KCND3: variants seen among roughly 807,000 people sequenced by gnomAD.
KCND3 encodes the protein potassium voltage-gated channel subfamily D member 3.
A neutral mutation model predicts 51.1 loss-of-function variants in KCND3; 9 were observed. That is an observed-to-expected ratio of 0.18 (90% CI 0.11 to 0.31). The LOEUF (loss-of-function observed/expected upper bound fraction) is 0.31, where lower values mean the gene tolerates loss of function less well. KCND3 is among the 10% of genes least tolerant of loss of function. KCND3 has a pLI of 1.00. For synonymous variants in KCND3, 349 were observed against 368.0 expected (o/e 0.95, Z 0.59); for missense variants, 526 against 903.8 (o/e 0.58, Z 5.36).
At chr1:111,809,650 C>T (rs1665754663) in intron 2 of KCND3, among the ~76,000 whole-genome samples, 1 of 149,846 alleles carries the variant, frequency 6.7e-6, no homozygotes, top group Non-Finnish European at 1.5e-5. Context: ...TCACATTTCC[C>T]GTGTGTGTGT....
At position 111,839,086 on chromosome 1, in the gene KCND3, TAG is replaced by T. The variant is rs541796954; in HGVS notation, c.1107-51982_1107-51981del. ...CAATCTATTTACTGCTCTATCTTTT[TAG>T]AGTTTCATCGGTTTGACATCAGGCT... On this transcript the variant is annotated intron_variant, in intron 2 of 7. Coordinates refer to ENST00000302127, the MANE Select transcript of KCND3 (RefSeq NM_001378969.1). Among the ~76,000 whole-genome samples, 5 of 152,362 alleles carry T rather than the reference TAG, an allele frequency of 3.3e-5. No individual in the cohort carries two copies. In the East Asian group the frequency reaches 5.8e-4, roughly 18 times the overall value.
At chr1:111,949,264 GGAGATAATACGGT>G (rs1476348337) in intron 2 of KCND3, among the ~76,000 whole-genome samples, 1 of 152,248 alleles carries the variant, frequency 6.6e-6, no homozygotes, top group Admixed American at 6.5e-5. Context: ...TTTGTAAAGT[GGAGATAATACGGT>G]ACGTCCTGCT....
At chr1:111,850,939 T>G (rs1056734883) in intron 2 of KCND3, among the ~76,000 whole-genome samples, 3 of 152,214 alleles carry the variant, frequency 2.0e-5, no homozygotes, top group Non-Finnish European at 4.4e-5. Flanking sequence ...GCACTTAGGT[T>G]TCTCCTCAAT....
intron 2 of KCND3, among the ~76,000 whole-genome samples, chr1:111,852,964 C>T (rs963585590): frequency 1.3e-5 from 2 of 152,186 alleles, no homozygotes; most frequent in East Asian, 1.9e-4. Context: ...TGGTCCTCCA[C>T]GGTGATGTGA....
intron 2 of KCND3, among the ~76,000 whole-genome samples, chr1:111,923,451 T>A (rs1219109125): frequency 6.6e-6 from 1 of 152,186 alleles, no homozygotes; most frequent in Non-Finnish European, 1.5e-5. Context: ...CTTCCTCTGG[T>A]TCTCCAACAA....
At chr1:111,869,301 C>T (rs1017010704) in intron 2 of KCND3, among the ~76,000 whole-genome samples, 5 of 152,188 alleles carry the variant, frequency 3.3e-5, no homozygotes, top group Admixed American at 6.5e-5. Context: ...CTAGAGGCTC[C>T]TCCTGCCACC....
At chr1:111,858,373 C>A (rs1269089375) in intron 2 of KCND3, among the ~76,000 whole-genome samples, 2 of 152,184 alleles carry the variant, frequency 1.3e-5, no homozygotes, top group Non-Finnish European at 2.9e-5. Flanking sequence ...CAAAGTCCCT[C>A]CAAAGGCCTA....
chr1:111,783,199 C>CA (rs67241053), intron 3 of KCND3, among the ~76,000 whole-genome samples: 10,273 of 72,334 alleles, frequency 0.14, 541 homozygotes, highest in Non-Finnish European at 0.17. Context: ...AATTCAAAGA[C>CA]AAAAAAAAAA....
chr1:111,974,240 T>C (rs953416084), intron 2 of KCND3, among the ~76,000 whole-genome samples: 3 of 152,164 alleles, frequency 2.0e-5, no homozygotes, highest in African/African-American at 7.2e-5. Flanking sequence ...CTGAGCCTTC[T>C]GGCAAAAAAC....
In KCND3 at chr1:111,878,111, G is replaced by T. The variant is rs142116982; in HGVS notation, c.1107-91005C>A. Among the ~76,000 whole-genome samples the T allele has an allele frequency of 1.9e-3, 292 of 152,322 alleles. 3 individuals carry two copies. The highest frequency in any genetic ancestry group is 6.8e-3 in the African/African-American group (283 of 41,572). On this transcript the variant is annotated intron_variant, in intron 2 of 7. Transcript: ENST00000302127. ...GGGATGATGTGTGCCTGGGACAAAA[G>T]CCCCCATCAGAGCCCTAGTGCTGTC...
chr1:111,899,561 C>T (rs1030369836), intron 2 of KCND3, among the ~76,000 whole-genome samples: 3 of 152,230 alleles, frequency 2.0e-5, no homozygotes, highest in African/African-American at 7.2e-5. Context: ...TTCGCACTCC[C>T]TCCACCAGTT....
Position 111,775,817 on chromosome 1 carries a change from C to CCT in KCND3, c.*259_*260insAG. The stretch of plus-strand genomic sequence containing the variant: ...TAGCCTATATCCCCCGGCCTATCCC[C>CCT]GACCCCCCCACCCTCCCTCCCTTCC... On this transcript the variant is annotated 3_prime_UTR_variant, in exon 8 of 8. Coordinates refer to ENST00000302127, the MANE Select transcript of KCND3 (RefSeq NM_001378969.1). 5.3e-6 allele frequency: 1 copy of CCT among 188,528 alleles called. No individual in the cohort carries two copies. The highest frequency in any genetic ancestry group is 1.1e-5 in the Non-Finnish European group (1 of 92,134). 11.7% of individuals were successfully genotyped at this position (188,528 alleles called of 1,614,324 possible).
chr1:111,776,811 C>G (rs1025818707), intron 7 of KCND3, among the ~76,000 whole-genome samples: 5 of 150,992 alleles, frequency 3.3e-5, no homozygotes. Context: ...TTCCCTGTTA[C>G]CTATTTTCAG....
At chr1:111,881,147 T>C (rs1490983733) in intron 2 of KCND3, among the ~76,000 whole-genome samples, 1 of 152,226 alleles carries the variant, frequency 6.6e-6, no homozygotes, top group African/African-American at 2.4e-5. Context: ...ATTACATATT[T>C]GGCTTGACTC....
intron 2 of KCND3, among the ~76,000 whole-genome samples, chr1:111,794,722 C>T (rs989895022): frequency 6.6e-6 from 1 of 152,202 alleles, no homozygotes; most frequent in Non-Finnish European, 1.5e-5. Flanking sequence ...AACAGTAGAC[C>T]ATCATGGAAG....
chr1:111,854,727 A>G (rs765937640), intron 2 of KCND3, among the ~76,000 whole-genome samples: 1 of 152,172 alleles, frequency 6.6e-6, no homozygotes, highest in African/African-American at 2.4e-5. Context: ...TGCTTCATCC[A>G]TCAGTCTCAG....
chr1:111,978,346 C>T (rs1411391399), intron 2 of KCND3, among the ~76,000 whole-genome samples: 1 of 152,122 alleles, frequency 6.6e-6, no homozygotes, highest in Non-Finnish European at 1.5e-5. Context: ...CAGGGAAGGA[C>T]CAGGGAAGGG....
At chr1:111,827,633 G>A (rs958681407) in intron 2 of KCND3, among the ~76,000 whole-genome samples, 1 of 152,216 alleles carries the variant, frequency 6.6e-6, no homozygotes, top group African/African-American at 2.4e-5. Flanking sequence ...ACAATCCTAT[G>A]AGGCTGGTAC....
intron 2 of KCND3, among the ~76,000 whole-genome samples, chr1:111,862,088 G>C (rs942007370): frequency 1.3e-5 from 2 of 152,212 alleles, no homozygotes; most frequent in African/African-American, 4.8e-5. Flanking sequence ...GCAGGGCGCT[G>C]GCTGGGGAGG....
Sources: allele counts gnomAD v4.1 joint callset (sites outside exome capture counted in the v4.1 genomes callset), GRCh38; gene constraint gnomAD v4.1.1; transcripts MANE v1.5; gene names NCBI Gene and HGNC (gene_info 2026-07-23, HGNC 2026-07-21).